SLC25A21: variants seen among roughly 807,000 people sequenced by gnomAD.
SLC25A21 encodes mitochondrial 2-oxodicarboxylate carrier.
In SLC25A21, 47 loss-of-function variants were observed where a neutral mutation model predicts 43.8. The ratio of observed to expected loss-of-function variants is 1.07; its 90% confidence interval spans 0.85 to 1.37. The LOEUF (loss-of-function observed/expected upper bound fraction) is 1.37. Ranked by LOEUF, SLC25A21 falls within the 40% of genes most tolerant of loss-of-function variation. The probability of loss-of-function intolerance (pLI) is 0.00; values close to 1 mark genes in which losing one functional copy is unlikely to be tolerated. For missense variants in SLC25A21, 352 were observed against 350.2 expected (o/e 1.00, Z -0.04); for synonymous variants, 131 against 121.3 (o/e 1.08, Z -0.52).
intron 1 of SLC25A21, among the ~76,000 whole-genome samples, chr14:36,914,915 T>C (rs1471512022): frequency 1.3e-5 from 2 of 152,078 alleles, no homozygotes; most frequent in African/African-American, 4.8e-5. Context: ...CTGCAAAGAA[T>C]AGTAGAGACA....
chr14:36,806,138 G>C (rs373656418), intron 3 of SLC25A21, among the ~76,000 whole-genome samples: 1 of 148,154 alleles, frequency 6.7e-6, no homozygotes, highest in African/African-American at 2.5e-5. Context: ...GAACCGGGGT[G>C]GGGGTGGGGG....
At chr14:36,802,986 G>C (rs1286123681) in intron 3 of SLC25A21, among the ~76,000 whole-genome samples, 2 of 152,182 alleles carry the variant, frequency 1.3e-5, no homozygotes, top group Admixed American at 6.6e-5. Context: ...CCTGTGCATT[G>C]CTTAGCTAGG....
At chr14:37,069,373 T>C (rs8017270) in intron 1 of SLC25A21, among the ~76,000 whole-genome samples, 1 of 152,200 alleles carries the variant, frequency 6.6e-6, no homozygotes, top group Non-Finnish European at 1.5e-5. Context: ...GTGGCAACAG[T>C]AGATTATGCC....
chr14:36,899,689 T>C (rs935808270), intron 1 of SLC25A21, among the ~76,000 whole-genome samples: 3 of 152,198 alleles, frequency 2.0e-5, no homozygotes, highest in African/African-American at 4.8e-5. Flanking sequence ...TAGACCATCA[T>C]ATAGTTATTA....
chr14:36,968,153 T>C (rs1436844330), intron 1 of SLC25A21, among the ~76,000 whole-genome samples: 1 of 152,152 alleles, frequency 6.6e-6, no homozygotes, highest in Non-Finnish European at 1.5e-5. Context: ...CAGTGAGGAA[T>C]AGTTTCTTAA....
At chr14:36,856,064 A>G (rs921862234) in intron 2 of SLC25A21, among the ~76,000 whole-genome samples, 2 of 152,056 alleles carry the variant, frequency 1.3e-5, no homozygotes, top group Non-Finnish European at 2.9e-5. Context: ...AGGTTGAGAA[A>G]CCCTGGTTAA....
chr14:36,734,546 C>A lies in SLC25A21; in HGVS notation c.231G>T (p.Leu77=). The A allele has an allele frequency of 6.2e-7, 1 of 1,607,652 alleles. No homozygotes were observed. The highest frequency in any genetic ancestry group is 2.2e-5 in the East Asian group (1 of 44,770). The change falls in exon 4 of 10, where the codon CTG becomes CTT. Residue 77 remains leucine, a synonymous_variant. Coordinates refer to ENST00000331299, the MANE Select transcript of SLC25A21 (RefSeq NM_030631.4). The part of the protein sequence containing the change: ...EGLFGFYKGI[L]PPILAETPKR... The stretch of plus-strand genomic sequence containing the variant: ...TTGGGGTTTCAGCCAAGATAGGTGG[C>A]AGAATTCCCTTGTAAAAACCAAATA...
At chr14:37,031,900 T>C (rs1300959007) in intron 1 of SLC25A21, among the ~76,000 whole-genome samples, 1 of 152,190 alleles carries the variant, frequency 6.6e-6, no homozygotes, top group Non-Finnish European at 1.5e-5. Flanking sequence ...CAACCACATT[T>C]TAAAAGAGAT....
intron 1 of SLC25A21, among the ~76,000 whole-genome samples, chr14:37,120,473 G>A (rs886120099): frequency 6.6e-6 from 1 of 152,174 alleles, no homozygotes; most frequent in African/African-American, 2.4e-5. Flanking sequence ...CAATAAATCA[G>A]TGGTGACTTT....
Position 37,082,275 on chromosome 14 carries a change from A to G in SLC25A21, c.70+90006T>C, listed in dbSNP as rs1487274850. On this transcript the variant is annotated intron_variant, in intron 1 of 9. Coordinates refer to ENST00000331299, the MANE Select transcript of SLC25A21 (RefSeq NM_030631.4). Reference sequence around the variant, plus strand: ...TTTAAGAAAAAACTACCCATAAGGTACTGTGTTCAGTACCTGGGTGACAGG... The same window carrying G: ...TTTAAGAAAAAACTACCCATAAGGTGCTGTGTTCAGTACCTGGGTGACAGG... Among the ~76,000 whole-genome samples the G allele has an allele frequency of 5.9e-5, 9 of 152,182 alleles. 1 individual carries two copies. The highest frequency in any genetic ancestry group is 5.2e-4 in the Admixed American group (8 of 15,276).
intron 4 of SLC25A21, among the ~76,000 whole-genome samples, chr14:36,731,921 C>T (rs1393338620): frequency 6.6e-6 from 1 of 152,188 alleles, no homozygotes; most frequent in Non-Finnish European, 1.5e-5. Flanking sequence ...CCCTCCCTGT[C>T]CCGGGGCCTG....
intron 3 of SLC25A21, among the ~76,000 whole-genome samples, chr14:36,761,832 T>C (rs184471003): frequency 9.5e-4 from 144 of 152,352 alleles, no homozygotes; most frequent in Middle Eastern, 6.8e-3. Flanking sequence ...CATAGTTACC[T>C]CTGGATACTA....
chr14:37,062,827 C>T (rs1961977921), intron 1 of SLC25A21, among the ~76,000 whole-genome samples: 1 of 152,114 alleles, frequency 6.6e-6, no homozygotes, highest in South Asian at 2.1e-4. Context: ...AGAAGTGAAA[C>T]ATTATTTAGG....
At chr14:37,037,527 T>C (rs934508804) in intron 1 of SLC25A21, among the ~76,000 whole-genome samples, 4 of 152,170 alleles carry the variant, frequency 2.6e-5, no homozygotes, top group African/African-American at 9.7e-5. Flanking sequence ...GAATTCCTCC[T>C]GTTTTCTCTC....
intron 2 of SLC25A21, among the ~76,000 whole-genome samples, chr14:36,854,758 C>G (rs768888017): frequency 3.1e-4 from 47 of 152,046 alleles, no homozygotes; most frequent in South Asian, 6.2e-4. Flanking sequence ...GGTTGGGATC[C>G]TATATGAAAG....
chr14:36,712,803 G>A (rs1172839406), intron 6 of SLC25A21, among the ~76,000 whole-genome samples: 1 of 152,160 alleles, frequency 6.6e-6, no homozygotes, highest in African/African-American at 2.4e-5. Context: ...AAAATTTTCT[G>A]AAGGTTAAAG....
chr14:37,046,004 T>C (rs1961577900), intron 1 of SLC25A21, among the ~76,000 whole-genome samples: 1 of 152,212 alleles, frequency 6.6e-6, no homozygotes. Flanking sequence ...TTTTCAGTGT[T>C]TTACATAAGT....
chr14:36,758,590 CAAAA>C (rs11314165), intron 3 of SLC25A21, among the ~76,000 whole-genome samples: 16 of 127,648 alleles, frequency 1.3e-4, no homozygotes, highest in East Asian at 2.4e-4. Flanking sequence ...TCAGCCAGGT[CAAAA>C]AAAAAAAAAA....
At chr14:36,735,812 CTTT>C (rs58500416) in intron 3 of SLC25A21, among the ~76,000 whole-genome samples, 3,278 of 131,642 alleles carry the variant, frequency 0.025, 45 homozygotes, top group Non-Finnish European at 0.028. Context: ...TCCCAGAATC[CTTT>C]TTTTTTTTTT....
Sources: gnomAD v4.1 joint callset for allele counts (sites outside exome capture counted in the v4.1 genomes callset) on GRCh38, gnomAD v4.1.1 for gene constraint, MANE v1.5 for transcripts, NCBI Gene and HGNC (gene_info 2026-07-23, HGNC 2026-07-21) for gene names.